Variants in CR1L observed in about 807,000 individuals in gnomAD.
CR1L encodes the protein complement C3b/C4b receptor 1 like, also known as complement component receptor 1-like protein.
A neutral mutation model predicts 62.3 loss-of-function variants in CR1L; 59 were observed. That is an observed-to-expected ratio of 0.95 (90% CI 0.77 to 1.18). The LOEUF is 1.18. CR1L is among the 50% of genes most tolerant of loss of function. The pLI is 0.00. For missense variants in CR1L, 700 were observed against 702.8 expected (o/e 1.00, Z 0.04); for synonymous variants, 279 against 248.7 (o/e 1.12, Z -1.15).
chr1:207,674,864 G>A (rs11118323), intron 1 of CR1L, among the ~76,000 whole-genome samples: 11 of 148,750 alleles, frequency 7.4e-5, no homozygotes, highest in Admixed American at 1.3e-4. Flanking sequence ...TTTTATTCGT[G>A]TTTTTTTTTT....
At chr1:207,704,507 A>G (rs983139805) in intron 9 of CR1L, among the ~76,000 whole-genome samples, 1 of 152,226 alleles carries the variant, frequency 6.6e-6, no homozygotes, top group Non-Finnish European at 1.5e-5. Context: ...AAATGTTATC[A>G]AACAGCATTG....
rs893753141 is a variant in CR1L at position 207,645,163 on chromosome 1, C to A, written c.-71C>A. 7.4e-6 allele frequency: 11 copies of A among 1,496,476 alleles called. 1 individual carries two copies. Among genetic ancestry groups the A allele is most frequent in the South Asian group, 3.4e-5 (3 of 88,172 alleles). The allele number at this position is 1,496,476 out of a possible 1,614,324, so 92.7% of individuals were successfully genotyped here. A position where few individuals can be genotyped will look rare whatever the true frequency, so the allele number is the denominator to read the frequency against. On this transcript the variant is annotated 5_prime_UTR_variant, in exon 1 of 12. Transcript: ENST00000508064. The stretch of plus-strand genomic sequence containing the variant: ...GTCCACTAACCGGACTCAGAAGGGA[C>A]TTCCCTGCTCGGCTGGCTTTCGGTT...
chr1:207,681,769 G>C (rs1663802715), intron 3 of CR1L, among the ~76,000 whole-genome samples: 1 of 152,166 alleles, frequency 6.6e-6, no homozygotes, highest in South Asian at 2.1e-4. Flanking sequence ...GAGTCTCCAG[G>C]ATGTCTTGTT....
chr1:207,693,470 T>C (rs1296058537), intron 4 of CR1L, among the ~76,000 whole-genome samples: 1 of 152,206 alleles, frequency 6.6e-6, no homozygotes, highest in Non-Finnish European at 1.5e-5. Flanking sequence ...ATTTCTCAGT[T>C]ATTACTTCTT....
chr1:207,702,936 A>G (rs1408835131), intron 9 of CR1L, among the ~76,000 whole-genome samples: 1 of 152,134 alleles, frequency 6.6e-6, no homozygotes, highest in African/African-American at 2.4e-5. Context: ...TGCAAAAATT[A>G]ACCAGGCGTT....
chr1:207,721,003 A>T lies in CR1L; in HGVS notation c.1643-2615A>T, dbSNP rs778852114. Among the ~76,000 whole-genome samples, 4 of 152,178 alleles carry T rather than the reference A, an allele frequency of 2.6e-5. No homozygotes were observed. The South Asian group carries it at 6.2e-4, about 24-fold the overall frequency. ...GAAGTCTCCATGCCATTTCTAAGGTAAATGGAGTTTCTTCAGTTCTGCATA... is the reference window on the plus strand; with the variant it reads ...GAAGTCTCCATGCCATTTCTAAGGTTAATGGAGTTTCTTCAGTTCTGCATA... On this transcript the variant is annotated intron_variant, in intron 11 of 11. Transcript: ENST00000508064.
In CR1L at chr1:207,674,598, G is replaced by A. The variant is rs555808140; in HGVS notation, c.98-2791G>A. 3.2e-4 allele frequency among the ~76,000 whole-genome samples: 49 copies of A among 152,216 alleles called. 1 individual carries two copies. Among genetic ancestry groups the A allele is most frequent in the Admixed American group, 6.5e-4 (10 of 15,268 alleles). On this transcript the variant is annotated intron_variant, in intron 1 of 11. Coordinates refer to ENST00000508064, the MANE Select transcript of CR1L (RefSeq NM_175710.2). ...AAAGGTAAGAATATTAGGTAATTAA[G>A]GGGAAGGAACTTCTTTCTTTCCAAG...
At chr1:207,676,094 T>G (rs932317314) in intron 1 of CR1L, among the ~76,000 whole-genome samples, 2 of 152,256 alleles carry the variant, frequency 1.3e-5, no homozygotes, top group South Asian at 2.1e-4. Flanking sequence ...CAAGAAAGTA[T>G]GATAAATGAG....
At chr1:207,658,127 G>A (rs375421068) in intron 1 of CR1L, among the ~76,000 whole-genome samples, 10 of 152,010 alleles carry the variant, frequency 6.6e-5, no homozygotes, top group Admixed American at 3.3e-4. Context: ...TACAGCTAAA[G>A]CATTGCTTAC....
At chr1:207,715,503 G>T in intron 10 of CR1L, 1 of 613,688 alleles carries the variant, frequency 1.6e-6, no homozygotes, top group South Asian at 1.7e-5. Context: ...CTAAATTACT[G>T]ATTAAAATAC....
intron 5 of CR1L, among the ~76,000 whole-genome samples, chr1:207,695,515 G>A (rs1223756143): frequency 1.3e-5 from 2 of 152,140 alleles, no homozygotes; most frequent in Non-Finnish European, 2.9e-5. Context: ...TGAAACGCAA[G>A]TCCACCCGAC....
intron 1 of CR1L, chr1:207,669,271 G>A (rs994854967): frequency 1.3e-5 from 7 of 523,192 alleles, no homozygotes; most frequent in African/African-American, 6.2e-5. Flanking sequence ...AGTAAACATG[G>A]CCTTGCCCAT....
intron 10 of CR1L, among the ~76,000 whole-genome samples, chr1:207,708,478 AC>A (rs1664304938): frequency 6.6e-6 from 1 of 152,254 alleles, no homozygotes; most frequent in African/African-American, 2.4e-5. Flanking sequence ...TTTATTTTAA[AC>A]TAGTCTTGAG....
At chr1:207,710,759 G>A (rs1455045077) in intron 10 of CR1L, 2 of 1,607,808 alleles carry the variant, frequency 1.2e-6, no homozygotes, top group Non-Finnish European at 1.7e-6. Flanking sequence ...ACAAATGGGA[G>A]CCGGAGCTAC....
intron 4 of CR1L, among the ~76,000 whole-genome samples, chr1:207,692,783 C>G (rs1421121322): frequency 6.6e-6 from 1 of 151,548 alleles, no homozygotes; most frequent in Non-Finnish European, 1.5e-5. Flanking sequence ...TGCCATACCC[C>G]CAGCCCGTAA....
Position 207,708,159 on chromosome 1 carries a change from T to C in CR1L, c.1329-19T>C. On this transcript the variant is annotated intron_variant, in intron 9 of 11. Coordinates refer to ENST00000508064, the MANE Select transcript of CR1L (RefSeq NM_175710.2). ...ATGAGGTATGTACAGCACAATTATT[T>C]TCCATTTTTTGCCTTTAGGCACCGA... The C allele has an allele frequency of 6.2e-7, 1 of 1,609,882 alleles. No homozygotes were observed. Among genetic ancestry groups the C allele is most frequent in the Non-Finnish European group, 8.5e-7 (1 of 1,178,124 alleles).
chr1:207,653,431 G>A (rs2181694), intron 1 of CR1L, among the ~76,000 whole-genome samples: 66,221 of 152,098 alleles, frequency 0.44, 15,154 homozygotes, highest in African/African-American at 0.58. Context: ...AGCATTAAGA[G>A]TGTAGTAATC....
At chr1:207,652,937 T>A in intron 1 of CR1L, 1 of 276,486 alleles carries the variant, frequency 3.6e-6, no homozygotes, top group Non-Finnish European at 6.8e-6. Context: ...TGGGTGAACA[T>A]GAAACTGAAA....
chr1:207,720,073 A>T (rs1654095288), intron 11 of CR1L, among the ~76,000 whole-genome samples: 1 of 152,232 alleles, frequency 6.6e-6, no homozygotes, highest in Non-Finnish European at 1.5e-5. Flanking sequence ...GGAGATACAT[A>T]CAAAGAATTA....
Sources: gnomAD v4.1 joint callset for allele counts (sites outside exome capture counted in the v4.1 genomes callset) on GRCh38, gnomAD v4.1.1 for gene constraint, MANE v1.5 for transcripts, NCBI Gene and HGNC (gene_info 2026-07-23, HGNC 2026-07-21) for gene names.